The following ATF7IP variants were observed in gnomAD, a reference collection of about 807,000 sequenced individuals.
The protein encoded by ATF7IP is activating transcription factor 7 interacting protein, also known as activating transcription factor 7-interacting protein 1.
A neutral mutation model predicts 106.4 loss-of-function variants in ATF7IP; 23 were observed. The observed-to-expected ratio is 0.22, with a 90% CI of 0.16 to 0.31. ATF7IP has a LOEUF of 0.31. Ranked by LOEUF, ATF7IP falls within the 10% of genes least tolerant of loss-of-function variation. ATF7IP has a pLI of 1.00. For missense variants in ATF7IP, 1,334 were observed against 1,524.3 expected (o/e 0.88, Z 2.08); for synonymous variants, 542 against 539.0 (o/e 1.01, Z -0.08).
intron 1 of ATF7IP, among the ~76,000 whole-genome samples, chr12:14,388,554 C>G (rs1342582859): frequency 1.3e-5 from 2 of 151,594 alleles, no homozygotes; most frequent in East Asian, 1.9e-4. Flanking sequence ...ATTATGTTGG[C>G]TAGGCTGGTC....
At chr12:14,386,674 A>G (rs1939258167) in intron 1 of ATF7IP, among the ~76,000 whole-genome samples, 1 of 152,146 alleles carries the variant, frequency 6.6e-6, no homozygotes, top group South Asian at 2.1e-4. Context: ...ACTTATTCAC[A>G]TGTCATGTGT....
intron 5 of ATF7IP, among the ~76,000 whole-genome samples, chr12:14,439,495 T>C (rs1055803256): frequency 8.5e-5 from 13 of 152,218 alleles, no homozygotes; most frequent in Non-Finnish European, 1.9e-4. Flanking sequence ...TCATTGTTTC[T>C]CATCACACCC....
chr12:14,395,694 A>T (rs1939798506), intron 1 of ATF7IP, among the ~76,000 whole-genome samples: 1 of 152,156 alleles, frequency 6.6e-6, no homozygotes, highest in African/African-American at 2.4e-5. Context: ...TCACCTTTAC[A>T]AATCAGAGTG....
intron 1 of ATF7IP, chr12:14,385,514 G>A: frequency 1.1e-6 from 1 of 917,194 alleles, no homozygotes; most frequent in East Asian, 2.7e-5. Flanking sequence ...TTAAAAAGTT[G>A]AAATGTTTGG....
chr12:14,431,641 G>T (rs538539233), intron 2 of ATF7IP, among the ~76,000 whole-genome samples: 2 of 151,954 alleles, frequency 1.3e-5, no homozygotes, highest in Non-Finnish European at 2.9e-5. Context: ...TGATCCGCCC[G>T]CCTCGGCCTC....
At chr12:14,449,927 A>C (rs1034223483) in intron 6 of ATF7IP, among the ~76,000 whole-genome samples, 14 of 152,026 alleles carry the variant, frequency 9.2e-5, no homozygotes, top group African/African-American at 3.1e-4. Flanking sequence ...GTGTATTCCT[A>C]AGTATTTTAT....
At chr12:14,442,921 G>A (rs532744980) in intron 5 of ATF7IP, among the ~76,000 whole-genome samples, 5 of 152,262 alleles carry the variant, frequency 3.3e-5, no homozygotes, top group Non-Finnish European at 7.4e-5. Context: ...TTGGGAGGCT[G>A]AGACAGGTGG....
chr12:14,462,244 G>A (rs778664249), intron 9 of ATF7IP, among the ~76,000 whole-genome samples: 16 of 151,984 alleles, frequency 1.1e-4, no homozygotes, highest in Non-Finnish European at 1.8e-4. Flanking sequence ...GTTTGTTAGT[G>A]TTATCTGCTA....
intron 5 of ATF7IP, among the ~76,000 whole-genome samples, chr12:14,440,938 A>G (rs916016803): frequency 5.3e-5 from 8 of 152,330 alleles, no homozygotes; most frequent in Non-Finnish European, 8.8e-5. Flanking sequence ...ATAATATTCC[A>G]TTATATGGCG....
intron 2 of ATF7IP, among the ~76,000 whole-genome samples, chr12:14,433,458 T>C (rs1047743569): frequency 6.6e-6 from 1 of 152,076 alleles, no homozygotes; most frequent in East Asian, 1.9e-4. Context: ...TGAGCCGAGA[T>C]TGCGCTACTG....
Position 14,456,093 on chromosome 12 carries a change from CAACTT to C in ATF7IP, c.1996-465_1996-461del, listed in dbSNP as rs1302419237. 2.0e-5 allele frequency among the ~76,000 whole-genome samples: 3 copies of C among 151,982 alleles called. No individual in the cohort carries two copies. In the East Asian group the frequency reaches 5.8e-4, roughly 29 times the overall value. On this transcript the variant is annotated intron_variant, in intron 6 of 14. Transcript: ENST00000261168. ...TGGTAGGTAGTATTTTTTTAAAAAACAACTTAAAAATAATTTTGATTTGTGACATT... is the reference window on the plus strand; with the variant it reads ...TGGTAGGTAGTATTTTTTTAAAAAACAAAAATAATTTTGATTTGTGACATT...
At chr12:14,480,670 GT>G (rs1384397434) in intron 12 of ATF7IP, among the ~76,000 whole-genome samples, 2 of 152,178 alleles carry the variant, frequency 1.3e-5, no homozygotes, top group East Asian at 1.9e-4. Flanking sequence ...AAATTAGGAG[GT>G]TTTTCTCTTT....
intron 1 of ATF7IP, among the ~76,000 whole-genome samples, chr12:14,423,015 T>C (rs954151098): frequency 1.3e-5 from 2 of 152,182 alleles, no homozygotes; most frequent in African/African-American, 4.8e-5. Context: ...CCACTATCAT[T>C]GTATGAAAGT....
At chr12:14,405,566 C>T (rs1940532137) in intron 1 of ATF7IP, among the ~76,000 whole-genome samples, 1 of 151,870 alleles carries the variant, frequency 6.6e-6, no homozygotes, top group Non-Finnish European at 1.5e-5. Context: ...AGGTGTGCAC[C>T]ACCACACCCT....
At chr12:14,395,196 A>C (rs1939768882) in intron 1 of ATF7IP, 1 of 152,126 alleles carries the variant, frequency 6.6e-6, no homozygotes, top group Non-Finnish European at 1.5e-5. Flanking sequence ...CAAATGAACT[A>C]AGTAGCAGTG....
chr12:14,395,202 C>T (rs1939769159), intron 1 of ATF7IP: 2 of 151,936 alleles, frequency 1.3e-5, no homozygotes, highest in Non-Finnish European at 1.5e-5. Flanking sequence ...AACTAAGTAG[C>T]AGTGGTTTAC....
intron 1 of ATF7IP, among the ~76,000 whole-genome samples, chr12:14,393,952 G>C (rs1157412503): frequency 6.6e-6 from 1 of 152,162 alleles, no homozygotes; most frequent in East Asian, 1.9e-4. Flanking sequence ...ATACAGGTTT[G>C]AAAAGAATGT....
In ATF7IP at chr12:14,490,614, A is replaced by C. The variant is rs149918747; in HGVS notation, c.3281-5617A>C. On this transcript the variant is annotated intron_variant, in intron 13 of 14. Transcript: ENST00000261168. ...CTGTGTACTTGCCGGTGGTGCCTGCATATGGTGCAGAACCATCTGTGAACC... is the reference window on the plus strand; with the variant it reads ...CTGTGTACTTGCCGGTGGTGCCTGCCTATGGTGCAGAACCATCTGTGAACC... Among the ~76,000 whole-genome samples the C allele has an allele frequency of 3.5e-4, 53 of 152,256 alleles. 1 individual carries two copies. The East Asian group carries it at 9.7e-3, about 28-fold the overall frequency.
intron 6 of ATF7IP, among the ~76,000 whole-genome samples, chr12:14,448,821 C>T (rs552337616): frequency 2.0e-5 from 3 of 152,206 alleles, no homozygotes; most frequent in Admixed American, 2.0e-4. Context: ...GTGTTATTTT[C>T]TGTTCTTTTG....
Sources: gnomAD v4.1 joint callset for allele counts (sites outside exome capture counted in the v4.1 genomes callset) on GRCh38, gnomAD v4.1.1 for gene constraint, MANE v1.5 for transcripts, NCBI Gene and HGNC (gene_info 2026-07-23, HGNC 2026-07-21) for gene names.